Variants in ERI1 observed in about 807,000 individuals in gnomAD.
ERI1 encodes the protein exoribonuclease 1, also known as 3'-5' exoribonuclease 1.
Under a neutral mutation model 39.7 loss-of-function variants are expected in ERI1, and 39 were observed. The ratio of observed to expected loss-of-function variants is 0.98; its 90% CI spans 0.76 to 1.28. ERI1 has a LOEUF of 1.28. Ranked by LOEUF, ERI1 falls within the 50% of genes most tolerant of loss-of-function variation. ERI1 has a pLI of 0.00. For synonymous variants in ERI1, 204 were observed against 149.6 expected (o/e 1.36, Z -2.65); for missense variants, 581 against 416.9 (o/e 1.39, Z -3.43).
At chr8:9,009,698 C>T (rs1032893244) in intron 2 of ERI1, among the ~76,000 whole-genome samples, 3 of 152,110 alleles carry the variant, frequency 2.0e-5, no homozygotes, top group Non-Finnish European at 4.4e-5. Context: ...CACCACCATG[C>T]CTGGCTAATT....
intron 3 of ERI1, among the ~76,000 whole-genome samples, chr8:9,061,323 T>G (rs185095302): frequency 1.3e-5 from 2 of 152,090 alleles, no homozygotes; most frequent in Non-Finnish European, 2.9e-5. Context: ...GGAGGCCAGA[T>G]TGAAGTCCGG....
chr8:9,053,074 T>G (rs1241636629), intron 3 of ERI1, among the ~76,000 whole-genome samples: 1 of 152,196 alleles, frequency 6.6e-6, no homozygotes, highest in Non-Finnish European at 1.5e-5. Flanking sequence ...TGGAGTGCAA[T>G]GGCGCAATCT....
chr8:9,007,689 A>T (rs112621680), intron 1 of ERI1, among the ~76,000 whole-genome samples: 9 of 152,110 alleles, frequency 5.9e-5, no homozygotes, highest in Non-Finnish European at 4.4e-5. Flanking sequence ...GGGGTTCTCT[A>T]TTGAGGTGGT....
rs1354126001 is a variant in ERI1 at position 9,030,554 on chromosome 8, C to G, written c.*520C>G. The G allele has an allele frequency of 6.4e-6, 1 of 157,136 alleles. No individual in the cohort carries two copies. Among genetic ancestry groups the G allele is most frequent in the East Asian group, 1.8e-4 (1 of 5,480 alleles). The allele number at this position is 157,136 out of a possible 1,614,324, so 9.7% of individuals were successfully genotyped here. Reference sequence around the variant, plus strand: ...TGTATGTGGTGAATTTCGTAAGGTACTTGGTATACATATCTGCCTATGTTT... The same window carrying G: ...TGTATGTGGTGAATTTCGTAAGGTAGTTGGTATACATATCTGCCTATGTTT... On this transcript the variant is annotated 3_prime_UTR_variant, in exon 7 of 7. Transcript: ENST00000250263.
In ERI1 at chr8:9,011,685, C is replaced by T; in HGVS notation, c.431C>T (p.Pro144Leu). Residue 144 changes from proline (P) to leucine (L), a missense_variant, in exon 3 of 7, where the codon CCA becomes CTA. By Grantham distance (98) the Pro-to-Leu change is moderately conservative (BLOSUM62 -3). Transcript: ENST00000250263. ...GAAGCCACTTGTGAAGAAGGAAACC[C>T]ACCTGAGTTTGTACATGAAATAATT... ...DFEATCEEGN[P>L]PEFVHEIIEF... is the part of the protein sequence containing the mutation. 1 of 1,613,542 alleles carries T rather than the reference C, an allele frequency of 6.2e-7. No homozygotes were observed. The highest frequency in any genetic ancestry group is 8.5e-7 in the Non-Finnish European group (1 of 1,179,590).
chr8:9,084,015 G>C (rs1344940629), intron 3 of ERI1, among the ~76,000 whole-genome samples: 2 of 152,084 alleles, frequency 1.3e-5, no homozygotes, highest in Non-Finnish European at 2.9e-5. Context: ...GGATGGTCTC[G>C]ATCTCCTGAC....
intron 3 of ERI1, among the ~76,000 whole-genome samples, chr8:9,081,602 G>T (rs1057125537): frequency 6.6e-6 from 1 of 151,706 alleles, no homozygotes; most frequent in African/African-American, 2.4e-5. Flanking sequence ...TCTTTCTATG[G>T]CTCTCAGAAT....
In ERI1 at chr8:9,031,462, AG is replaced by A. The variant is rs1158195108; in HGVS notation, c.*1430del. 39 of 152,194 alleles carry A rather than the reference AG, an allele frequency of 2.6e-4. No individual in the cohort carries two copies. The highest frequency in any genetic ancestry group is 2.6e-3 in the Admixed American group (39 of 15,280). 9.4% of individuals were successfully genotyped at this position (152,194 alleles called of 1,614,324 possible). A position where few individuals can be genotyped will look rare whatever the true frequency, so the allele number is the denominator to read the frequency against. On this transcript the variant is annotated 3_prime_UTR_variant, in exon 7 of 7. Coordinates refer to ENST00000250263, the MANE Select transcript of ERI1 (RefSeq NM_153332.4). ...AACTGTTACAGATTATAGTAAAATA[AG>A]GAAATCTAAGTGCTTTAAGTTTATA...
At chr8:9,060,590 G>T (rs1417617461) in intron 3 of ERI1, among the ~76,000 whole-genome samples, 1 of 152,202 alleles carries the variant, frequency 6.6e-6, no homozygotes, top group African/African-American at 2.4e-5. Flanking sequence ...CATGGAAGAG[G>T]TTATGAAATG....
chr8:9,070,210 A>C (rs1799004470), intron 3 of ERI1, among the ~76,000 whole-genome samples: 1 of 152,020 alleles, frequency 6.6e-6, no homozygotes, highest in African/African-American at 2.4e-5. Context: ...CTGCACTCCA[A>C]CCTGGGTGAG....
rs1289742157 is a variant in ERI1, at chr8:9,032,888, G to A, written c.*2854G>A. ...CGGGTGCATTGTCAAAGTCTGAGAA[G>A]GATGTATTGTACTTTGAAGGAAGAC... On this transcript the variant is annotated 3_prime_UTR_variant, in exon 7 of 7. Transcript: ENST00000250263. The A allele has an allele frequency of 6.6e-6, 1 of 152,162 alleles. No homozygotes were observed. Among genetic ancestry groups the A allele is most frequent in the African/African-American group, 2.4e-5 (1 of 41,426 alleles). 9.4% of individuals were successfully genotyped at this position (152,162 alleles called of 1,614,324 possible).
At chr8:9,024,989 G>A (rs1342405591) in intron 6 of ERI1, among the ~76,000 whole-genome samples, 1 of 152,130 alleles carries the variant, frequency 6.6e-6, no homozygotes, top group Non-Finnish European at 1.5e-5. Flanking sequence ...GTGCAGTGAA[G>A]TGTTACTGCT....
rs1799029485 is a variant in ERI1 at position 9,070,983 on chromosome 8, C to T, written n.300-45365C>T. On this transcript the variant is annotated intron_variant and non_coding_transcript_variant, in intron 3 of 3. Transcript: ENST00000518663. Reference sequence around the variant, plus strand: ...TGGCTGCCATCACTCTGTACCCCTGCGGAGACTGCAGAGTGAACGGGCTCT... The same window carrying T: ...TGGCTGCCATCACTCTGTACCCCTGTGGAGACTGCAGAGTGAACGGGCTCT... Among the ~76,000 whole-genome samples the T allele has an allele frequency of 1.3e-5, 2 of 152,106 alleles. 1 individual carries two copies. The highest frequency in any genetic ancestry group is 4.1e-4 in the South Asian group (2 of 4,824).
chr8:9,066,260 T>TC lies in ERI1; in HGVS notation n.299+45800dup, dbSNP rs1563368575. On this transcript the variant is annotated intron_variant and non_coding_transcript_variant, in intron 3 of 3. Coordinates refer to the ERI1 transcript ENST00000518663. The stretch of plus-strand genomic sequence containing the variant: ...GGTTCCCACTAGCAGGGGCATCTCT[T>TC]CCCCTTTCTCCACCTGCACAACTTG... Among the ~76,000 whole-genome samples, 3 of 152,282 alleles carry TC rather than the reference T, an allele frequency of 2.0e-5. No individual in the cohort carries two copies. The South Asian group carries it at 6.2e-4, about 32-fold the overall frequency.
rs910736936 is a variant in ERI1, at chr8:9,086,375, C to A, written n.300-29973C>A. On this transcript the variant is annotated intron_variant and non_coding_transcript_variant, in intron 3 of 3. Transcript: ENST00000518663. ...GACCAGCCTGGGTAATATGGCAAAA[C>A]CCCGTCTCTACAAAAAATACAAAAA... 5.3e-5 allele frequency among the ~76,000 whole-genome samples: 8 copies of A among 152,136 alleles called. No homozygotes were observed. The East Asian group carries it at 1.5e-3, about 29-fold the overall frequency.
intron 6 of ERI1, among the ~76,000 whole-genome samples, chr8:9,025,494 T>A (rs1335874362): frequency 6.6e-6 from 1 of 152,246 alleles, no homozygotes; most frequent in Non-Finnish European, 1.5e-5. Context: ...ATCTGGCCTT[T>A]TTGTTTTCCT....
At chr8:9,019,931 T>C (rs1023594943) in intron 5 of ERI1, among the ~76,000 whole-genome samples, 4 of 152,202 alleles carry the variant, frequency 2.6e-5, no homozygotes, top group Admixed American at 1.3e-4. Context: ...AAAAATGTTG[T>C]AGCAGAACAG....
At chr8:9,067,945 T>C (rs985425378) in intron 3 of ERI1, among the ~76,000 whole-genome samples, 46 of 134,544 alleles carry the variant, frequency 3.4e-4, no homozygotes, top group African/African-American at 8.4e-4. Context: ...CACACACACA[T>C]ATATGTATAT....
At position 9,029,977 on chromosome 8, in the gene ERI1, C is replaced by G. The variant is rs780267950; in HGVS notation, c.993C>G (p.Ser331=). ...KMHAGQLMSV[S]SSLPIEGTPP... ...ATGCAGGACAGCTAATGAGTGTGTC[C>G]TCTTCCTTACCAATAGAGGGCACTC... is the stretch of plus-strand genomic sequence containing the variant. Residue 331 remains serine, a synonymous_variant, in exon 7 of 7, where the codon TCC becomes TCG. Coordinates refer to ENST00000250263, the MANE Select transcript of ERI1 (RefSeq NM_153332.4). 6.2e-7 allele frequency: 1 copy of G among 1,614,124 alleles called. No homozygotes were observed. Among genetic ancestry groups the G allele is most frequent in the Non-Finnish European group, 8.5e-7 (1 of 1,180,016 alleles).
Sources: allele counts gnomAD v4.1 joint callset (sites outside exome capture counted in the v4.1 genomes callset), GRCh38; gene constraint gnomAD v4.1.1; transcripts MANE v1.5; gene names NCBI Gene and HGNC (gene_info 2026-07-23, HGNC 2026-07-21).